Variants in SORBS3 observed in about 807,000 individuals in gnomAD.
SORBS3 encodes the protein sorbin and SH3 domain containing 3, also known as vinexin.
Under a neutral mutation model 98.0 loss-of-function variants are expected in SORBS3, and 69 were observed. The ratio of observed to expected loss-of-function variants is 0.70; its 90% CI spans 0.58 to 0.86. SORBS3 has a LOEUF of 0.86. Among genes scored for constraint, SORBS3 ranks in the 40% least tolerant of loss-of-function variants. The probability of loss-of-function intolerance (pLI) is 0.00; values close to 1 mark genes in which losing one functional copy is unlikely to be tolerated. For synonymous variants in SORBS3, 394 were observed against 355.4 expected, an observed-to-expected ratio of 1.11 and a Z score of -1.22; for missense variants, 954 against 908.5, an observed-to-expected ratio of 1.05 and a Z score of -0.64.
intron 12 of SORBS3, chr8:22,566,104 C>A: frequency 1.7e-6 from 1 of 574,058 alleles, no homozygotes; most frequent in Non-Finnish European, 2.6e-6. Flanking sequence ...CCGCCGGGGG[C>A]GCAGCGCGGT....
chr8:22,570,089 CTGT>C (rs761307554), intron 17 of SORBS3, among the ~76,000 whole-genome samples: 1 of 152,154 alleles, frequency 6.6e-6, no homozygotes, highest in Non-Finnish European at 1.5e-5. Context: ...TTGAAAAATG[CTGT>C]TCTAGAAAGC....
At chr8:22,555,041 T>G in intron 3 of SORBS3, 61 bp downstream of exon 3, 1 of 1,401,876 alleles carries the variant, frequency 7.1e-7, no homozygotes, top group Non-Finnish European at 1.0e-6. Context: ...CATCTGGCAC[T>G]GCCCTGTGTC....
chr8:22,558,247 G>T, intron 5 of SORBS3, 55 bp downstream of exon 5: 1 of 1,537,336 alleles, frequency 6.5e-7, no homozygotes, highest in South Asian at 1.1e-5. Context: ...GGCCCCTGGG[G>T]CTTGGAGAGA....
upstream of SORBS3, among the ~76,000 whole-genome samples, chr8:22,547,930 T>C (rs145429253): frequency 3.9e-4 from 60 of 152,330 alleles, 1 homozygote; most frequent in East Asian, 0.011. Flanking sequence ...CCGCAGCCTT[T>C]GGGAGATTGG....
Position 22,554,218 on chromosome 8 carries a change from A to G in SORBS3, c.-55-234A>G. Reference sequence around the variant, plus strand: ...CTCCCCCTCCCCCACTCCCACCCGGAGCTCCTGCCCTGGGCCTAACAAGTG... The same window carrying G: ...CTCCCCCTCCCCCACTCCCACCCGGGGCTCCTGCCCTGGGCCTAACAAGTG... On this transcript the variant is annotated intron_variant, in intron 1 of 20. Coordinates refer to ENST00000240123, the MANE Select transcript of SORBS3 (RefSeq NM_005775.5). This position sits in a 1 kb window ranked among gnomAD's most constrained non-coding sequence, Gnocchi z 6.5. 5 of 197,694 alleles carry G rather than the reference A, an allele frequency of 2.5e-5. No homozygotes were observed. Among genetic ancestry groups the G allele is most frequent in the Non-Finnish European group, 4.0e-5 (4 of 98,914 alleles). The allele number at this position is 197,694 out of a possible 1,614,324, so 12.2% of individuals were successfully genotyped here.
chr8:22,561,136 C>T (rs1586895411), intron 5 of SORBS3, 199 bp from the exon 6 acceptor site: 1 of 529,352 alleles, frequency 1.9e-6, no homozygotes, highest in African/African-American at 2.0e-5. Flanking sequence ...GCTTAGGCCC[C>T]AAGCCTGCCA....
In SORBS3 at chr8:22,569,285, C is replaced by G. The variant is rs201716975; in HGVS notation, c.1431+12C>G. 1.9e-6 allele frequency: 3 copies of G among 1,571,966 alleles called. No homozygotes were observed. The highest frequency in any genetic ancestry group is 3.6e-5 in the Admixed American group (2 of 54,876). On this transcript the variant is annotated intron_variant, in intron 17 of 20. Transcript: ENST00000240123. ...TGTCCTTCCGCAAGGTGGGCCAGGCCGGAGACGGAGGGGTGGGTGGGGGCA... is the reference window on the plus strand; with the variant it reads ...TGTCCTTCCGCAAGGTGGGCCAGGCGGGAGACGGAGGGGTGGGTGGGGGCA...
upstream of SORBS3, among the ~76,000 whole-genome samples, chr8:22,551,305 C>G (rs1563810671): frequency 6.6e-6 from 1 of 152,156 alleles, no homozygotes; most frequent in Admixed American, 6.5e-5. This position sits in a 1 kb window ranked among gnomAD's most constrained non-coding sequence, Gnocchi z 5.8. Flanking sequence ...ACCCTCTCCC[C>G]CAGCGCGGAG....
At position 22,574,990 on chromosome 8, in the gene SORBS3, G is replaced by A. The variant is rs887127383; in HGVS notation, c.*262G>A. On this transcript the variant is annotated 3_prime_UTR_variant, in exon 21 of 21. Coordinates refer to ENST00000240123, the MANE Select transcript of SORBS3 (RefSeq NM_005775.5). ...CAAATACAGAGGTCTGCTTTGAAGC[G>A]GAGACCATTTCCAGGCCTTATTGAG... 193 of 638,086 alleles carry A rather than the reference G, an allele frequency of 3.0e-4. No homozygotes were observed. In the Admixed American group the frequency reaches 3.9e-3, roughly 13 times the overall value. The allele number at this position is 638,086 out of a possible 1,614,324, so 39.5% of individuals were successfully genotyped here. A position where few individuals can be genotyped will look rare whatever the true frequency, so the allele number is the denominator to read the frequency against.
chr8:22,560,975 A>G, intron 5 of SORBS3: 1 of 232,344 alleles, frequency 4.3e-6, no homozygotes, highest in Non-Finnish European at 8.3e-6. Flanking sequence ...GTCTTGGCAA[A>G]TGGGGAAGGA....
intron 6 of SORBS3, 168 bp downstream of exon 6, chr8:22,561,541 G>A (rs1324438830): frequency 4.2e-6 from 3 of 715,600 alleles, no homozygotes; most frequent in East Asian, 2.7e-5. Flanking sequence ...CCCCCGGTAG[G>A]TGGTAATTAA....
upstream of SORBS3, among the ~76,000 whole-genome samples, chr8:22,548,092 C>T (rs1840035027): frequency 6.6e-6 from 1 of 152,198 alleles, no homozygotes; most frequent in African/African-American, 2.4e-5. Context: ...CATACTTGAC[C>T]TGTACTGGGT....
intron 20 of SORBS3, 104 bp downstream of exon 20, chr8:22,572,550 C>A: frequency 1.1e-6 from 1 of 915,578 alleles, no homozygotes; most frequent in Non-Finnish European, 1.7e-6. Context: ...GGCCGACCAC[C>A]CCCCGACTCA....
At chr8:22,565,599 G>A in intron 11 of SORBS3, 1 of 793,428 alleles carries the variant, frequency 1.3e-6, no homozygotes. Flanking sequence ...TCAGCCCGAC[G>A]ACCGGGCGCC....
chr8:22,574,498 TC>T (rs963679446), intron 20 of SORBS3, among the ~76,000 whole-genome samples, 168 bp from the exon 21 acceptor site: 2 of 152,164 alleles, frequency 1.3e-5, no homozygotes, highest in African/African-American at 4.8e-5. Context: ...CATCTAAGCT[TC>T]TGCCGCTAGG....
chr8:22,564,163 A>C, intron 8 of SORBS3, 86 bp downstream of exon 8: 1 of 1,510,452 alleles, frequency 6.6e-7, no homozygotes, highest in Non-Finnish European at 9.1e-7. Flanking sequence ...TTCAGCTTGA[A>C]TCCCTTGGAG....
chr8:22,567,758 A>G (rs1468123112), intron 16 of SORBS3, among the ~76,000 whole-genome samples: 1 of 152,182 alleles, frequency 6.6e-6, no homozygotes, highest in Non-Finnish European at 1.5e-5. Flanking sequence ...AAATATGTCA[A>G]GTTATCCAAA....
chr8:22,569,371 C>CAAAA, intron 17 of SORBS3, 98 bp downstream of exon 17: 4 of 1,085,260 alleles, frequency 3.7e-6, no homozygotes, highest in Non-Finnish European at 5.0e-6. Context: ...GACAGAGTCT[C>CAAAA]ACTCTATCGC....
At position 22,575,096 on chromosome 8, in the gene SORBS3, G is replaced by A; in HGVS notation, c.*368G>A. ...CCAGCTCTCCGCTTTGCCCCCACGG[G>A]GTTCCTCTAACCAGAACCAGCTTCC... On this transcript the variant is annotated 3_prime_UTR_variant, in exon 21 of 21. Transcript: ENST00000240123. The A allele has an allele frequency of 2.5e-6, 1 of 403,428 alleles. No homozygotes were observed. Among genetic ancestry groups the A allele is most frequent in the South Asian group, 1.9e-5 (1 of 53,940 alleles). 25.0% of individuals were successfully genotyped at this position (403,428 alleles called of 1,614,324 possible).
Sources: allele counts gnomAD v4.1 joint callset (sites outside exome capture counted in the v4.1 genomes callset), GRCh38; gene constraint gnomAD v4.1.1; non-coding constraint Gnocchi (gnomAD v3.1); transcripts MANE v1.5; gene names NCBI Gene and HGNC (gene_info 2026-07-23, HGNC 2026-07-21).